The following SRGAP2C variants were observed in gnomAD, a reference collection of about 807,000 sequenced individuals.
SRGAP2C encodes SLIT-ROBO Rho GTPase-activating protein 2C.
A neutral mutation model predicts 25.1 loss-of-function variants in SRGAP2C; 15 were observed. That is an observed-to-expected ratio of 0.60 (90% CI 0.40 to 0.92). The LOEUF is 0.92. SRGAP2C is among the 40% of genes least tolerant of loss of function. SRGAP2C has a pLI of 0.00. For synonymous variants in SRGAP2C, 44 were observed against 96.6 expected (o/e 0.46, Z 3.19); for missense variants, 144 against 264.4 (o/e 0.54, Z 3.16).
At chr1:121,338,522 C>T (rs1658570851) in intron 4 of SRGAP2C, among the ~76,000 whole-genome samples, 1 of 128,976 alleles carries the variant, frequency 7.8e-6, no homozygotes, top group South Asian at 2.5e-4. Flanking sequence ...CCTTTCTTTG[C>T]TTTTAAGCCC....
intron 5 of SRGAP2C, among the ~76,000 whole-genome samples, chr1:121,367,026 G>A (rs587640428): frequency 1.1e-4 from 16 of 147,728 alleles, no homozygotes; most frequent in South Asian, 8.7e-4. Flanking sequence ...GCAGAGGGCC[G>A]AGCTGCTACC....
chr1:121,255,072 T>A (rs1217238991), intron 2 of SRGAP2C, among the ~76,000 whole-genome samples: 2 of 151,700 alleles, frequency 1.3e-5, no homozygotes, highest in African/African-American at 4.8e-5. Flanking sequence ...AGGGGCTCCC[T>A]GGACTTTTGC....
intron 3 of SRGAP2C, among the ~76,000 whole-genome samples, chr1:121,304,323 AG>A (rs1448762238): frequency 6.8e-6 from 1 of 146,138 alleles, no homozygotes; most frequent in Non-Finnish European, 1.5e-5. Flanking sequence ...TTGAGGGCCA[AG>A]ACACAATGTT....
intron 5 of SRGAP2C, among the ~76,000 whole-genome samples, chr1:121,372,992 T>C (rs587640887): frequency 4.6e-4 from 43 of 92,768 alleles, no homozygotes; most frequent in African/African-American, 1.8e-3. Context: ...GTGAACTCCC[T>C]GTGTGGAAAC....
intron 2 of SRGAP2C, among the ~76,000 whole-genome samples, chr1:121,236,684 TG>T (rs1655968694): frequency 6.6e-6 from 1 of 151,524 alleles, no homozygotes; most frequent in Non-Finnish European, 1.5e-5. Context: ...GAGATCTTAT[TG>T]GCCTGTCTCG....
intron 4 of SRGAP2C, among the ~76,000 whole-genome samples, chr1:121,331,587 A>T: frequency 1.3e-5 from 1 of 76,480 alleles, no homozygotes; most frequent in South Asian, 5.7e-4. Flanking sequence ...AAGAGAACAA[A>T]TGTATGTTGT....
Position 121,354,261 on chromosome 1 carries a change from CCTTTCTTTCTTTCTTTCTTTCTTTCTTT to C in SRGAP2C, c.424-10991_424-10964del, listed in dbSNP as rs61373397. On this transcript the variant is annotated intron_variant, in intron 4 of 9. Transcript: ENST00000367123. ...TAGATTCCTTTCTTTCTTTCTCTCTCCTTTCTTTCTTTCTTTCTTTCTTTCTTTCTTTCTTTCTTTCTTTCTTTCTTTC... is the reference window on the plus strand; with the variant it reads ...TAGATTCCTTTCTTTCTTTCTCTCTCCTTTCTTTCTTTCTTTCTTTCTTTC... 1.8e-3 allele frequency among the ~76,000 whole-genome samples: 55 copies of C among 29,928 alleles called. 12 individuals are homozygous for C. Among genetic ancestry groups the C allele is most frequent in the South Asian group, 4.6e-3 (5 of 1,090 alleles). The allele number at this position is 29,928 out of a possible 152,430, so 19.6% of individuals were successfully genotyped here.
At chr1:121,223,856 C>A (rs1268502158) in intron 2 of SRGAP2C, among the ~76,000 whole-genome samples, 3 of 76,810 alleles carry the variant, frequency 3.9e-5, no homozygotes, top group East Asian at 8.3e-4. Context: ...CCCCGCCACC[C>A]CCTGTCTGCT....
intron 2 of SRGAP2C, among the ~76,000 whole-genome samples, chr1:121,217,708 G>A (rs1231429715): frequency 6.6e-6 from 1 of 152,170 alleles, no homozygotes; most frequent in Non-Finnish European, 1.5e-5. Context: ...CATCTCGATG[G>A]CAGAACACTG....
chr1:121,296,361 T>A (rs1160157478), intron 3 of SRGAP2C, among the ~76,000 whole-genome samples: 1 of 140,332 alleles, frequency 7.1e-6, no homozygotes, highest in Non-Finnish European at 1.5e-5. Flanking sequence ...TCTGTGATAC[T>A]CAGATTACAG....
intron 4 of SRGAP2C, among the ~76,000 whole-genome samples, chr1:121,327,949 G>A (rs1488086973): frequency 3.3e-5 from 5 of 152,264 alleles, no homozygotes; most frequent in Non-Finnish European, 5.9e-5. Context: ...TCTCCATGGT[G>A]CCTTCCAAAT....
intron 4 of SRGAP2C, chr1:121,360,039 C>G (rs1378619188): frequency 1.3e-5 from 2 of 152,134 alleles, no homozygotes; most frequent in Non-Finnish European, 2.9e-5. Context: ...CTGTGTCTAG[C>G]TAAAGGATTG....
chr1:121,208,801 G>A (rs1322308570), intron 2 of SRGAP2C, among the ~76,000 whole-genome samples: 2 of 152,204 alleles, frequency 1.3e-5, no homozygotes, highest in African/African-American at 4.8e-5. Context: ...GAAATTCCTT[G>A]CATTTTTATT....
chr1:121,287,691 C>T (rs1407774889), intron 3 of SRGAP2C, among the ~76,000 whole-genome samples: 5 of 152,134 alleles, frequency 3.3e-5, no homozygotes, highest in South Asian at 2.1e-4. Context: ...AGAATGAGGC[C>T]GCGGACCCTC....
chr1:121,238,477 A>G (rs1232936620), intron 2 of SRGAP2C, among the ~76,000 whole-genome samples: 5 of 152,116 alleles, frequency 3.3e-5, no homozygotes, highest in African/African-American at 1.2e-4. Context: ...CTCACAGTCT[A>G]CTACTGCGAG....
chr1:121,329,340 G>A (rs1362234183), intron 4 of SRGAP2C, among the ~76,000 whole-genome samples: 2 of 151,238 alleles, frequency 1.3e-5, no homozygotes, highest in Non-Finnish European at 3.0e-5. Context: ...ATGTTGTACA[G>A]AGAAGAGAAA....
intron 4 of SRGAP2C, among the ~76,000 whole-genome samples, chr1:121,337,706 T>G (rs1249801160): frequency 6.9e-6 from 1 of 144,482 alleles, no homozygotes; most frequent in Non-Finnish European, 1.5e-5. Context: ...TTAATACAGC[T>G]CATCAGGCAC....
chr1:121,385,134 C>T (rs1237143232), intron 8 of SRGAP2C, among the ~76,000 whole-genome samples: 2 of 148,770 alleles, frequency 1.3e-5, no homozygotes, highest in Non-Finnish European at 3.0e-5. Context: ...GAGGGAGCTG[C>T]CTGGAAGTCG....
chr1:121,211,400 GATAT>G (rs1158479752), intron 2 of SRGAP2C, among the ~76,000 whole-genome samples: 17 of 130,388 alleles, frequency 1.3e-4, no homozygotes, highest in African/African-American at 4.6e-4. Flanking sequence ...TTGAGAGAGA[GATAT>G]ATATATACAC....
Sources: gnomAD v4.1 joint callset for allele counts (sites outside exome capture counted in the v4.1 genomes callset) on GRCh38, gnomAD v4.1.1 for gene constraint, MANE v1.5 for transcripts, NCBI Gene and HGNC (gene_info 2026-07-23, HGNC 2026-07-21) for gene names.